The following IKZF1 variants were observed in gnomAD, a reference collection of about 807,000 sequenced individuals.
IKZF1 encodes the protein DNA-binding protein Ikaros.
A neutral mutation model predicts 51.7 loss-of-function variants in IKZF1; 10 were observed. The observed-to-expected ratio is 0.19, with a 90% CI of 0.12 to 0.33. IKZF1 has a LOEUF of 0.33. Among genes scored for constraint, IKZF1 ranks in the 10% least tolerant of loss-of-function variants. The pLI, the probability that IKZF1 is intolerant of heterozygous loss-of-function variation, is 1.00. For synonymous variants in IKZF1, 280 were observed against 282.3 expected (o/e 0.99, Z 0.08); for missense variants, 484 against 707.5 (o/e 0.68, Z 3.58).
chr7:50,323,264 A>G (rs926225651), intron 2 of IKZF1, among the ~76,000 whole-genome samples: 9 of 152,356 alleles, frequency 5.9e-5, no homozygotes, highest in Admixed American at 5.9e-4. Flanking sequence ...CGGAAGTCCA[A>G]CAGGGAGTCA....
At position 50,402,466 on chromosome 7, in the gene IKZF1, C is replaced by T. The variant is rs2153521588; in HGVS notation, c.*1839C>T. 1 of 231,498 alleles carries T rather than the reference C, an allele frequency of 4.3e-6. No homozygotes were observed. The highest frequency in any genetic ancestry group is 5.6e-5 in the Admixed American group (1 of 17,732). The allele number at this position is 231,498 out of a possible 1,614,324, so 14.3% of individuals were successfully genotyped here. On this transcript the variant is annotated 3_prime_UTR_variant, in exon 8 of 8. Transcript: ENST00000331340. ...ACAACCCAAACTCTCCAGACATCACCAACTGTCCCCTGCGAGGAGAAATCA... is the reference window on the plus strand; with the variant it reads ...ACAACCCAAACTCTCCAGACATCACTAACTGTCCCCTGCGAGGAGAAATCA...
intron 3 of IKZF1, among the ~76,000 whole-genome samples, chr7:50,358,580 G>A (rs562124440): frequency 2.2e-4 from 33 of 152,310 alleles, no homozygotes; most frequent in Admixed American, 3.9e-4. Context: ...TGCATGGCTC[G>A]GACTCCAGAG....
intron 5 of IKZF1, among the ~76,000 whole-genome samples, chr7:50,382,966 A>G (rs1297796627): frequency 6.6e-6 from 1 of 152,038 alleles, no homozygotes; most frequent in Non-Finnish European, 1.5e-5. Flanking sequence ...CTTAGGTAGC[A>G]TGTTTCAGAA....
intron 4 of IKZF1, 127 bp from the exon 5 acceptor site, chr7:50,382,413 C>G: frequency 7.4e-7 from 1 of 1,345,034 alleles, no homozygotes. Flanking sequence ...CTGAAAGCCT[C>G]ATGTTCTATC....
In IKZF1 at chr7:50,400,851, G is replaced by A; in HGVS notation, c.*224G>A. The stretch of plus-strand genomic sequence containing the variant: ...GGCAGGGCTGCATTGGGAGCATCCA[G>A]AACTGCTACCTTCCTAGATGTTTCC... On this transcript the variant is annotated 3_prime_UTR_variant, in exon 8 of 8. Transcript: ENST00000331340. This position sits in a 1 kb window ranked among gnomAD's most constrained non-coding sequence, Gnocchi z 5.4. 1 of 597,520 alleles carries A rather than the reference G, an allele frequency of 1.7e-6. No homozygotes were observed. The highest frequency in any genetic ancestry group is 3.0e-5 in the East Asian group (1 of 33,580). The allele number at this position is 597,520 out of a possible 1,614,324, so 37.0% of individuals were successfully genotyped here.
In IKZF1 at chr7:50,376,685, T is replaced by C. The variant is rs2153469668; in HGVS notation, c.313T>C (p.Ser105Pro). 1 of 1,613,866 alleles carries C rather than the reference T, an allele frequency of 6.2e-7. No homozygotes were observed. Residue 105 changes from serine (S) to proline (P), a missense_variant, in exon 4 of 8, where the codon TCG (serine) becomes CCG (proline). By Grantham distance (74) the Ser-to-Pro change is moderately conservative. This residue lies in a region of IKZF1 where 118 missense variants were observed against 138.4 expected (regional missense o/e 0.85). Coordinates refer to ENST00000331340, the MANE Select transcript of IKZF1 (RefSeq NM_006060.6). This position sits in a 1 kb window ranked among gnomAD's most constrained non-coding sequence, Gnocchi z 4.5. ...SHRDQGSSAL[S>P]GVGGIRLPNG... ...CAGGGACCAAGGCAGCTCGGCTTTG[T>C]CGGGAGTTGGAGGCATTCGACTTCC... is the stretch of plus-strand genomic sequence containing the variant.
intron 5 of IKZF1, among the ~76,000 whole-genome samples, chr7:50,386,737 T>C (rs2153486473): frequency 6.6e-6 from 1 of 152,214 alleles, no homozygotes; most frequent in African/African-American, 2.4e-5. Context: ...AAATATTTTG[T>C]ATTATATAAT....
chr7:50,332,232 T>C (rs1357635750), intron 3 of IKZF1, among the ~76,000 whole-genome samples: 2 of 152,204 alleles, frequency 1.3e-5, no homozygotes, highest in African/African-American at 4.8e-5. Context: ...AGATAAGTGT[T>C]TTGTGTGAGA....
At chr7:50,346,243 C>T (rs1800327631) in intron 3 of IKZF1, among the ~76,000 whole-genome samples, 1 of 152,208 alleles carries the variant, frequency 6.6e-6, no homozygotes, top group Non-Finnish European at 1.5e-5. Flanking sequence ...GAGAGATCAT[C>T]AGGCCCCAGT....
At chr7:50,324,932 C>T (rs190032124) in intron 2 of IKZF1, among the ~76,000 whole-genome samples, 10 of 152,132 alleles carry the variant, frequency 6.6e-5, no homozygotes, top group African/African-American at 1.2e-4. Flanking sequence ...CCAGCATGAT[C>T]GCAGGGAAAA....
intron 7 of IKZF1, among the ~76,000 whole-genome samples, chr7:50,397,169 C>G (rs1816934706): frequency 6.6e-6 from 1 of 152,218 alleles, no homozygotes; most frequent in Non-Finnish European, 1.5e-5. Flanking sequence ...CATCTCATGT[C>G]AGAATTTTCT....
intron 3 of IKZF1, among the ~76,000 whole-genome samples, chr7:50,338,941 CAGAA>C (rs1798411442): frequency 6.6e-6 from 1 of 152,208 alleles, no homozygotes; most frequent in African/African-American, 2.4e-5. Flanking sequence ...ATAGGGAACT[CAGAA>C]AGCATGCTCC....
intron 7 of IKZF1, among the ~76,000 whole-genome samples, chr7:50,397,652 T>C (rs1040025868): frequency 1.3e-5 from 2 of 152,224 alleles, no homozygotes; most frequent in African/African-American, 4.8e-5. Context: ...CTAGAATGGA[T>C]TCATTCTTCT....
chr7:50,303,962 A>G (rs1729389254), upstream of IKZF1: 2 of 143,526 alleles, frequency 1.4e-5, no homozygotes, highest in Admixed American at 1.4e-4. The surrounding 1 kb of genome is among the most constrained non-coding windows in gnomAD (Gnocchi z 4.7). Flanking sequence ...CGGCCGCCGC[A>G]TCCCGTGCGG....
chr7:50,373,136 C>A (rs965486112), intron 3 of IKZF1, among the ~76,000 whole-genome samples: 1 of 152,188 alleles, frequency 6.6e-6, no homozygotes, highest in African/African-American at 2.4e-5. Context: ...TGTGGGCTTT[C>A]CCCCATGCTT....
At chr7:50,345,137 T>C (rs1162755098) in intron 3 of IKZF1, among the ~76,000 whole-genome samples, 4 of 151,968 alleles carry the variant, frequency 2.6e-5, no homozygotes, top group Admixed American at 6.5e-5. Context: ...TCCCAGCCCA[T>C]AGGGTATAAA....
At chr7:50,352,292 G>C (rs1490414061) in intron 3 of IKZF1, among the ~76,000 whole-genome samples, 1 of 152,154 alleles carries the variant, frequency 6.6e-6, no homozygotes, top group Non-Finnish European at 1.5e-5. Context: ...AGTATTATCT[G>C]TCTCTTCCTC....
At chr7:50,333,092 A>C (rs1176499728) in intron 3 of IKZF1, among the ~76,000 whole-genome samples, 1 of 151,874 alleles carries the variant, frequency 6.6e-6, no homozygotes, top group African/African-American at 2.4e-5. Flanking sequence ...TTGAAAAAAA[A>C]AAAAGTAGAA....
chr7:50,304,732 G>C lies in IKZF1; in HGVS notation c.-205G>C, dbSNP rs1481049520. The C allele has an allele frequency of 2.6e-5, 4 of 151,894 alleles. No homozygotes were observed. The highest frequency in any genetic ancestry group is 9.7e-5 in the African/African-American group (4 of 41,404). 9.4% of individuals were successfully genotyped at this position (151,894 alleles called of 1,614,324 possible). A position where few individuals can be genotyped will look rare whatever the true frequency, so the allele number is the denominator to read the frequency against. ...TAGCAGGACACTCTAACAAGTGACT[G>C]CGCGGCCCGCGCCCGGGGCGGTGAC... On this transcript the variant is annotated 5_prime_UTR_variant, in exon 1 of 8. Transcript: ENST00000331340.
Sources: allele counts gnomAD v4.1 joint callset (sites outside exome capture counted in the v4.1 genomes callset), GRCh38; gene constraint gnomAD v4.1.1; regional missense constraint gnomAD v4.1.1; non-coding constraint Gnocchi (gnomAD v3.1); transcripts MANE v1.5; gene names NCBI Gene and HGNC (gene_info 2026-07-23, HGNC 2026-07-21).